BBX: variants seen among roughly 807,000 people sequenced by gnomAD.
BBX encodes the protein BBX high mobility group box domain containing.
In BBX, 30 loss-of-function variants were observed where a neutral mutation model predicts 100.2. The ratio of observed to expected loss-of-function variants is 0.30; its 90% CI spans 0.22 to 0.41. BBX has a LOEUF of 0.41. BBX is among the 10% of genes least tolerant of loss of function. The pLI, the probability that BBX is intolerant of heterozygous loss-of-function variation, is 1.00. For synonymous variants in BBX, 376 were observed against 388.1 expected, an observed-to-expected ratio of 0.97 and a Z score of 0.37; for missense variants, 1,023 against 1,129.8, an observed-to-expected ratio of 0.91 and a Z score of 1.35.
intron 3 of BBX, among the ~76,000 whole-genome samples, chr3:107,691,553 C>T (rs2060170501): frequency 6.6e-6 from 1 of 152,124 alleles, no homozygotes; most frequent in Non-Finnish European, 1.5e-5. Flanking sequence ...ATAAAAATTT[C>T]ACCCAGCATG....
At chr3:107,750,541 G>A (rs544321546) in intron 9 of BBX, among the ~76,000 whole-genome samples, 161 of 152,248 alleles carry the variant, frequency 1.1e-3, no homozygotes, top group Middle Eastern at 0.01. Context: ...AGCTGTAAAT[G>A]TTATATGTGT....
intron 3 of BBX, among the ~76,000 whole-genome samples, chr3:107,697,667 C>T (rs1165538751): frequency 6.6e-6 from 1 of 151,864 alleles, no homozygotes; most frequent in African/African-American, 2.4e-5. Context: ...TGTGCCCTGC[C>T]CCCAGAGGTG....
intron 5 of BBX, among the ~76,000 whole-genome samples, chr3:107,718,237 G>A (rs912049242): frequency 2.7e-5 from 4 of 146,944 alleles, no homozygotes; most frequent in Admixed American, 6.8e-5. Context: ...TTTTATTAGT[G>A]TTAATATAAC....
chr3:107,793,814 T>C (rs2069308908), intron 15 of BBX, among the ~76,000 whole-genome samples: 3 of 152,184 alleles, frequency 2.0e-5, no homozygotes, highest in African/African-American at 7.2e-5. Context: ...GTTCACTGTG[T>C]TTTCTTTATA....
At chr3:107,745,428 C>A (rs1458041317) in intron 8 of BBX, among the ~76,000 whole-genome samples, 1 of 152,086 alleles carries the variant, frequency 6.6e-6, no homozygotes, top group African/African-American at 2.4e-5. Context: ...GTTTGCCCAA[C>A]TGTTTTACAG....
In BBX at chr3:107,810,654, G is replaced by A. The variant is rs759906240; in HGVS notation, c.*5197G>A. 1 of 152,224 alleles carries A rather than the reference G, an allele frequency of 6.6e-6. No homozygotes were observed. The highest frequency in any genetic ancestry group is 2.1e-4 in the South Asian group (1 of 4,832). 9.4% of individuals were successfully genotyped at this position (152,224 alleles called of 1,614,324 possible). A position where few individuals can be genotyped will look rare whatever the true frequency, so the allele number is the denominator to read the frequency against. Reference sequence around the variant, plus strand: ...CTCAGCTCTAAGAGCCGTGGAACGGGGGGTAGGGAAGGTTTGCGATCTGGA... The same window carrying A: ...CTCAGCTCTAAGAGCCGTGGAACGGAGGGTAGGGAAGGTTTGCGATCTGGA... On this transcript the variant is annotated 3_prime_UTR_variant, in exon 18 of 18. Transcript: ENST00000325805.
intron 5 of BBX, 58 bp downstream of exon 5, chr3:107,716,907 AG>A: frequency 6.3e-7 from 1 of 1,579,450 alleles, no homozygotes; most frequent in Non-Finnish European, 8.6e-7. Flanking sequence ...TGAAACTCCC[AG>A]TCAACAAATA....
chr3:107,604,101 G>C (rs988375200), intron 2 of BBX, among the ~76,000 whole-genome samples: 2 of 152,034 alleles, frequency 1.3e-5, no homozygotes, highest in Non-Finnish European at 2.9e-5. Context: ...CCCATTGCCC[G>C]GGCCTTTCCC....
At chr3:107,767,592 A>G (rs2066499535) in intron 10 of BBX, among the ~76,000 whole-genome samples, 1 of 152,244 alleles carries the variant, frequency 6.6e-6, no homozygotes. Context: ...ATTTTTAAAA[A>G]GAATAAGCCT....
intron 2 of BBX, among the ~76,000 whole-genome samples, chr3:107,539,444 T>C (rs534756288): frequency 6.6e-6 from 1 of 152,292 alleles, no homozygotes; most frequent in East Asian, 1.9e-4. Flanking sequence ...TTTGGTTGTA[T>C]AGCTGGATGT....
chr3:107,618,937 T>C (rs1174205822), intron 2 of BBX, among the ~76,000 whole-genome samples: 1 of 152,118 alleles, frequency 6.6e-6, no homozygotes, highest in African/African-American at 2.4e-5. Flanking sequence ...TGAGTTCTTA[T>C]ATATCCTTTC....
At chr3:107,569,439 C>T (rs1035074142) in intron 2 of BBX, among the ~76,000 whole-genome samples, 11 of 150,944 alleles carry the variant, frequency 7.3e-5, no homozygotes, top group African/African-American at 2.7e-4. Context: ...TTTATTTCAC[C>T]TGGGTGCAGG....
At chr3:107,559,912 G>A (rs1468323712) in intron 2 of BBX, among the ~76,000 whole-genome samples, 1 of 152,006 alleles carries the variant, frequency 6.6e-6, no homozygotes. Context: ...CCTGCCTTAT[G>A]TTTGTATTTT....
intron 3 of BBX, among the ~76,000 whole-genome samples, chr3:107,702,535 C>G (rs971270268): frequency 2.2e-4 from 33 of 152,132 alleles, no homozygotes; most frequent in African/African-American, 7.7e-4. Context: ...GTTCAATTCT[C>G]CACATATTCA....
intron 3 of BBX, chr3:107,657,050 T>C (rs911802303): frequency 2.0e-5 from 3 of 152,034 alleles, no homozygotes; most frequent in Non-Finnish European, 4.4e-5. Flanking sequence ...TACTTTTTTT[T>C]CCCCTCAAAA....
chr3:107,672,598 A>T (rs986283468), intron 3 of BBX, among the ~76,000 whole-genome samples: 5 of 152,088 alleles, frequency 3.3e-5, no homozygotes, highest in Admixed American at 1.3e-4. Context: ...AAGCAACCAG[A>T]ATAGAGGAAG....
chr3:107,619,364 A>C (rs1353313622), intron 2 of BBX, among the ~76,000 whole-genome samples: 1 of 152,002 alleles, frequency 6.6e-6, no homozygotes, highest in Non-Finnish European at 1.5e-5. Context: ...TAACCCCATA[A>C]CCCCTTTATG....
chr3:107,703,189 T>G (rs1252697269), intron 3 of BBX, among the ~76,000 whole-genome samples: 1 of 152,226 alleles, frequency 6.6e-6, no homozygotes, highest in Non-Finnish European at 1.5e-5. Flanking sequence ...TTTTGTTAGG[T>G]CCACTGAAGA....
At chr3:107,711,463 G>A in intron 4 of BBX, 1 of 369,348 alleles carries the variant, frequency 2.7e-6, no homozygotes, top group Non-Finnish European at 5.4e-6. Flanking sequence ...TATTTTTCAG[G>A]CCTTTGACAT....
Sources: allele counts gnomAD v4.1 joint callset (sites outside exome capture counted in the v4.1 genomes callset), GRCh38; gene constraint gnomAD v4.1.1; transcripts MANE v1.5; gene names NCBI Gene and HGNC (gene_info 2026-07-23, HGNC 2026-07-21).